Variants in ESRRB observed in about 807,000 individuals in gnomAD.
ESRRB encodes the protein estrogen related receptor beta.
ESRRB carries 16 observed loss-of-function variants against 46.0 expected under a neutral mutation model. That is an observed-to-expected ratio of 0.35 (90% CI 0.24 to 0.53). The LOEUF (loss-of-function observed/expected upper bound fraction) is 0.53. ESRRB is among the 20% of genes least tolerant of loss of function. The probability of loss-of-function intolerance (pLI) is 0.93; values close to 1 mark genes in which losing one functional copy is unlikely to be tolerated. For synonymous variants in ESRRB, 246 were observed against 259.6 expected (o/e 0.95, Z 0.50); for missense variants, 488 against 607.4 (o/e 0.80, Z 2.07).
chr14:76,347,414 A>AGTGTGT lies in ESRRB; in HGVS notation c.2+36513_2+36518dup, dbSNP rs34971102. Among the ~76,000 whole-genome samples, 46 of 96,220 alleles carry AGTGTGT rather than the reference A, an allele frequency of 4.8e-4. 10 individuals are homozygous for AGTGTGT. The highest frequency in any genetic ancestry group is 1.5e-3 in the African/African-American group (42 of 28,042). The allele number at this position is 96,220 out of a possible 152,430, so 63.1% of individuals were successfully genotyped here. A position where few individuals can be genotyped will look rare whatever the true frequency, so the allele number is the denominator to read the frequency against. On this transcript the variant is annotated intron_variant, in intron 1 of 6. Transcript: ENST00000512784. The stretch of plus-strand genomic sequence containing the variant: ...AAATGGGGACAGTATTTGCTCATGA[A>AGTGTGT]GTGTGTGTGTGTGTGTGTGTCACAC...
intron 1 of ESRRB, among the ~76,000 whole-genome samples, chr14:76,400,496 T>C (rs1017682713): frequency 2.0e-5 from 3 of 152,206 alleles, no homozygotes; most frequent in Admixed American, 1.3e-4. Flanking sequence ...CTTCCTCATT[T>C]GGGATGTGAA....
At chr14:76,358,511 C>T (rs1007347193) in intron 1 of ESRRB, among the ~76,000 whole-genome samples, 3 of 151,280 alleles carry the variant, frequency 2.0e-5, no homozygotes, top group Non-Finnish European at 4.4e-5. Flanking sequence ...TTCTCATCGG[C>T]GTGCTGGGTA....
intron 1 of ESRRB, among the ~76,000 whole-genome samples, chr14:76,389,302 G>A (rs1379855058): frequency 1.3e-5 from 2 of 152,154 alleles, no homozygotes; most frequent in Non-Finnish European, 2.9e-5. Context: ...TCTGTCTCAT[G>A]CCCCTGACTG....
chr14:76,417,183 G>A (rs1886743597), intron 1 of ESRRB, among the ~76,000 whole-genome samples: 1 of 152,046 alleles, frequency 6.6e-6, no homozygotes. Context: ...TATCGATAGG[G>A]GTCAGGGTGT....
At chr14:76,479,866 C>T (rs1432030802) in intron 3 of ESRRB, among the ~76,000 whole-genome samples, 1 of 152,168 alleles carries the variant, frequency 6.6e-6, no homozygotes, top group East Asian at 1.9e-4. Flanking sequence ...AGGGGAATTA[C>T]ATTTTTTAAA....
chr14:76,498,676 A>AACTGGCG lies in ESRRB; in HGVS notation c.*224_*225insGACTGGC. 2 of 1,481,308 alleles carry AACTGGCG rather than the reference A, an allele frequency of 1.4e-6. No individual in the cohort carries two copies. The highest frequency in any genetic ancestry group is 1.8e-6 in the Non-Finnish European group (2 of 1,082,310). 91.8% of individuals were successfully genotyped at this position (1,481,308 alleles called of 1,614,324 possible). On this transcript the variant is annotated 3_prime_UTR_variant, in exon 7 of 7. Transcript: ENST00000644823. ...GGGCAGGGGTGTGGGGCTCGACTGT[A>AACTGGCG]ACTGGCTTTTTCTTTGGTATGTCTT...
intron 5 of ESRRB, among the ~76,000 whole-genome samples, chr14:76,490,959 T>C (rs962710970): frequency 1.3e-5 from 2 of 152,140 alleles, no homozygotes; most frequent in African/African-American, 4.8e-5. Context: ...CCCGTGGGTC[T>C]CTGCACAGCT....
chr14:76,378,421 G>A (rs1451508123), intron 1 of ESRRB, among the ~76,000 whole-genome samples: 1 of 152,146 alleles, frequency 6.6e-6, no homozygotes, highest in African/African-American at 2.4e-5. Flanking sequence ...GGTCCTGGGG[G>A]TCTGGGAAAG....
intron 1 of ESRRB, among the ~76,000 whole-genome samples, chr14:76,414,557 G>A (rs932001345): frequency 6.7e-6 from 1 of 149,032 alleles, no homozygotes; most frequent in South Asian, 2.1e-4. Flanking sequence ...TTCTTCGCTT[G>A]CTCTAGTGAC....
At chr14:76,414,209 C>A in intron 1 of ESRRB, among the ~76,000 whole-genome samples, 1 of 88,308 alleles carries the variant, frequency 1.1e-5, no homozygotes, top group East Asian at 2.9e-4. Flanking sequence ...CGTCCCCCCG[C>A]CCCTGCATAC....
At chr14:76,409,229 C>A (rs1452437911) in intron 1 of ESRRB, among the ~76,000 whole-genome samples, 1 of 152,126 alleles carries the variant, frequency 6.6e-6, no homozygotes, top group African/African-American at 2.4e-5. Flanking sequence ...GGGAGGCTGC[C>A]TAGAGGACCA....
chr14:76,364,412 G>C (rs1216679965), intron 1 of ESRRB, among the ~76,000 whole-genome samples: 1 of 152,156 alleles, frequency 6.6e-6, no homozygotes, highest in Non-Finnish European at 1.5e-5. Context: ...TAAGGGGCCA[G>C]GCGCAGTGGC....
intron 1 of ESRRB, among the ~76,000 whole-genome samples, chr14:76,417,761 G>A (rs1886767102): frequency 6.6e-6 from 1 of 152,060 alleles, no homozygotes; most frequent in African/African-American, 2.4e-5. Context: ...GATCTGTGGT[G>A]CAAAGGTGCA....
intron 1 of ESRRB, among the ~76,000 whole-genome samples, chr14:76,338,051 C>T (rs1438387422): frequency 3.3e-5 from 5 of 152,178 alleles, no homozygotes; most frequent in Admixed American, 2.6e-4. Context: ...CTCTGCAATT[C>T]TCCCCTCATT....
At chr14:76,398,751 G>A (rs1297052932) in intron 1 of ESRRB, among the ~76,000 whole-genome samples, 1 of 152,160 alleles carries the variant, frequency 6.6e-6, no homozygotes, top group African/African-American at 2.4e-5. Context: ...AACCCTGTGA[G>A]GTAGAAGCTC....
chr14:76,498,383 C>T lies in ESRRB; in HGVS notation c.1290C>T (p.His430=). The T allele has an allele frequency of 6.2e-7, 1 of 1,613,464 alleles. No individual in the cohort carries two copies. Among genetic ancestry groups the T allele is most frequent in the Non-Finnish European group, 8.5e-7 (1 of 1,179,912 alleles). Residue 430 remains histidine, a synonymous_variant, in exon 7 of 7, where the codon CAC becomes CAT. Coordinates refer to ENST00000644823, the MANE Select transcript of ESRRB (RefSeq NM_001379180.1). Reference sequence around the variant, plus strand: ...AGACGGCCGCCAAGGCCGTGCAGCACTTCTATAGCGTCAAACTGCAGGGCA... The same window carrying T: ...AGACGGCCGCCAAGGCCGTGCAGCATTTCTATAGCGTCAAACTGCAGGGCA... ...LRQTAAKAVQ[H]FYSVKLQGKV...
chr14:76,336,883 A>C (rs1359734551), intron 1 of ESRRB, among the ~76,000 whole-genome samples: 4 of 152,172 alleles, frequency 2.6e-5, no homozygotes, highest in Non-Finnish European at 5.9e-5. Flanking sequence ...CAAAATAGCC[A>C]AGATCGTGAA....
At chr14:76,379,756 A>T (rs1232012265) in intron 1 of ESRRB, among the ~76,000 whole-genome samples, 1 of 151,728 alleles carries the variant, frequency 6.6e-6, no homozygotes, top group Non-Finnish European at 1.5e-5. Context: ...TCCTGACATC[A>T]CTGGAAATTT....
upstream of ESRRB, among the ~76,000 whole-genome samples, chr14:76,367,268 TTGAC>T (rs1198959429): frequency 4.6e-5 from 7 of 151,838 alleles, no homozygotes; most frequent in East Asian, 9.7e-4. Context: ...AAAAAAAAAA[TTGAC>T]TGGGCACAGT....
Sources: allele counts gnomAD v4.1 joint callset (sites outside exome capture counted in the v4.1 genomes callset), GRCh38; gene constraint gnomAD v4.1.1; transcripts MANE v1.5; gene names NCBI Gene and HGNC (gene_info 2026-07-23, HGNC 2026-07-21).